The following CHRM2 variants were observed in gnomAD, a reference collection of about 807,000 sequenced individuals.
CHRM2 encodes the protein muscarinic acetylcholine receptor M2.
Under a neutral mutation model 25.0 loss-of-function variants are expected in CHRM2, and 8 were observed. The observed-to-expected ratio is 0.32, with a 90% CI of 0.19 to 0.58. The LOEUF (loss-of-function observed/expected upper bound fraction) is 0.58. CHRM2 is among the 20% of genes least tolerant of loss of function. The probability of loss-of-function intolerance (pLI) is 0.88; values close to 1 mark genes in which losing one functional copy is unlikely to be tolerated. For missense variants in CHRM2, 440 were observed against 567.1 expected, an observed-to-expected ratio of 0.78 and a Z score of 2.28; for synonymous variants, 202 against 205.7, an observed-to-expected ratio of 0.98 and a Z score of 0.15.
At chr7:136,888,300 T>G (rs905039487) in intron 2 of CHRM2, among the ~76,000 whole-genome samples, 3 of 152,188 alleles carry the variant, frequency 2.0e-5, no homozygotes, top group Non-Finnish European at 4.4e-5. Context: ...CCCTGTGATG[T>G]CTGCTAAACG....
chr7:136,946,560 G>A (rs570298514), intron 2 of CHRM2, among the ~76,000 whole-genome samples: 3 of 152,220 alleles, frequency 2.0e-5, no homozygotes, highest in Admixed American at 2.0e-4. Flanking sequence ...AGTCCAGTGG[G>A]AAAAACTCAT....
At chr7:136,925,941 A>G (rs1057209186) in intron 2 of CHRM2, among the ~76,000 whole-genome samples, 1 of 152,182 alleles carries the variant, frequency 6.6e-6, no homozygotes, top group African/African-American at 2.4e-5. Flanking sequence ...CCTAACCCCT[A>G]CTTATAGTCT....
At position 136,907,681 on chromosome 7, in the gene CHRM2, A is replaced by G. The variant is rs552868439; in HGVS notation, c.-125+38263A>G. On this transcript the variant is annotated intron_variant, in intron 2 of 3. Coordinates refer to ENST00000680005, the MANE Select transcript of CHRM2 (RefSeq NM_001006630.2). ...CACTGTCTCAGCCAAACATACTTAC[A>G]AAATAGGCATTACCAGGTCAAAGAA... Among the ~76,000 whole-genome samples, 33 of 152,072 alleles carry G rather than the reference A, an allele frequency of 2.2e-4. No individual in the cohort carries two copies. The South Asian group carries it at 4.6e-3, about 21-fold the overall frequency.
intron 2 of CHRM2, among the ~76,000 whole-genome samples, chr7:136,877,086 G>A (rs1267657110): frequency 6.6e-6 from 1 of 151,944 alleles, no homozygotes; most frequent in African/African-American, 2.4e-5. Flanking sequence ...TTGATGAACT[G>A]GAACATAGAA....
rs539337208 is a variant in CHRM2 at position 136,908,242 on chromosome 7, G to A, written c.-125+38824G>A. On this transcript the variant is annotated intron_variant, in intron 2 of 3. Coordinates refer to ENST00000680005, the MANE Select transcript of CHRM2 (RefSeq NM_001006630.2). ...TGTACGTCCAGCAGAACAGTTTTAC[G>A]TCATCCTTCTTAAGTAAAATGAGTC... Among the ~76,000 whole-genome samples the A allele has an allele frequency of 5.9e-5, 9 of 151,888 alleles. No individual in the cohort carries two copies. In the East Asian group the frequency reaches 1.4e-3, roughly 23 times the overall value.
chr7:136,880,774 A>T (rs1796235903), intron 2 of CHRM2, among the ~76,000 whole-genome samples: 2 of 151,786 alleles, frequency 1.3e-5, no homozygotes, highest in Admixed American at 6.6e-5. Flanking sequence ...GTTTCAATTG[A>T]TGAACTACAT....
intron 2 of CHRM2, among the ~76,000 whole-genome samples, chr7:136,934,243 T>C (rs1799282231): frequency 6.6e-6 from 1 of 152,160 alleles, no homozygotes; most frequent in Non-Finnish European, 1.5e-5. Context: ...TTTGAGTCCT[T>C]TTAGATTCTT....
At chr7:136,884,706 C>A (rs551045326) in intron 2 of CHRM2, among the ~76,000 whole-genome samples, 2 of 152,164 alleles carry the variant, frequency 1.3e-5, no homozygotes, top group East Asian at 3.9e-4. Context: ...AAGGCACTTG[C>A]AAAGCTATTT....
chr7:136,915,043 G>T (rs1418967996), intron 2 of CHRM2, among the ~76,000 whole-genome samples: 1 of 151,842 alleles, frequency 6.6e-6, no homozygotes, highest in African/African-American at 2.4e-5. Flanking sequence ...ATGACATGTA[G>T]GAGTTTTAGA....
chr7:137,018,454 C>T lies in CHRM2; in HGVS notation c.*2188C>T, dbSNP rs896927221. ...TCTTCAAATGAAGGAATCAGTTGAA[C>T]GGAAATAACGTCAAGCCAGTGGGCT... On this transcript the variant is annotated 3_prime_UTR_variant, in exon 4 of 4. Coordinates refer to ENST00000680005, the MANE Select transcript of CHRM2 (RefSeq NM_001006630.2). The T allele has an allele frequency of 2.6e-5, 4 of 151,810 alleles. No homozygotes were observed. Among genetic ancestry groups the T allele is most frequent in the African/African-American group, 4.8e-5 (2 of 41,390 alleles). 9.4% of individuals were successfully genotyped at this position (151,810 alleles called of 1,614,324 possible).
At chr7:136,936,823 A>G (rs1462840263) in intron 2 of CHRM2, among the ~76,000 whole-genome samples, 1 of 152,114 alleles carries the variant, frequency 6.6e-6, no homozygotes, top group Non-Finnish European at 1.5e-5. Flanking sequence ...CTTCTATATT[A>G]CCCTTCTATG....
chr7:136,975,530 G>A (rs2130949005), intron 2 of CHRM2, among the ~76,000 whole-genome samples: 1 of 152,172 alleles, frequency 6.6e-6, no homozygotes, highest in African/African-American at 2.4e-5. Context: ...TTTTTAGGTT[G>A]GAAATACTAA....
At chr7:136,983,959 T>C (rs1246599556) in intron 2 of CHRM2, among the ~76,000 whole-genome samples, 2 of 152,170 alleles carry the variant, frequency 1.3e-5, no homozygotes, top group African/African-American at 4.8e-5. Context: ...TGGCAGAGCT[T>C]GGGCACTGTG....
At chr7:136,921,515 G>C (rs1584759519) in intron 2 of CHRM2, among the ~76,000 whole-genome samples, 2 of 152,040 alleles carry the variant, frequency 1.3e-5, no homozygotes, top group African/African-American at 2.4e-5. Context: ...TCGTGCATGA[G>C]GACTTTCAGC....
intron 2 of CHRM2, among the ~76,000 whole-genome samples, chr7:136,972,764 G>A (rs1327196665): frequency 2.7e-5 from 4 of 147,804 alleles, no homozygotes; most frequent in Non-Finnish European, 6.0e-5. Flanking sequence ...GGCAGGTGAC[G>A]ATGGTGACGG....
At chr7:136,994,312 G>C (rs1039756666) in intron 3 of CHRM2, among the ~76,000 whole-genome samples, 2 of 152,094 alleles carry the variant, frequency 1.3e-5, no homozygotes, top group Non-Finnish European at 2.9e-5. Flanking sequence ...GTCATCATTA[G>C]TGGTCATTCC....
At chr7:137,011,567 T>C (rs1291999130) in intron 3 of CHRM2, among the ~76,000 whole-genome samples, 2 of 151,988 alleles carry the variant, frequency 1.3e-5, no homozygotes, top group African/African-American at 4.8e-5. Flanking sequence ...ACTCCAACAC[T>C]GAGGGCAAAA....
intron 2 of CHRM2, among the ~76,000 whole-genome samples, chr7:136,887,336 C>T (rs1266016470): frequency 6.7e-6 from 1 of 150,174 alleles, no homozygotes; most frequent in Non-Finnish European, 1.5e-5. Context: ...TCGCTTTTCA[C>T]AAAAAAAAAA....
chr7:136,887,240 A>G, intron 2 of CHRM2, among the ~76,000 whole-genome samples: 1 of 152,318 alleles, frequency 6.6e-6, no homozygotes, highest in East Asian at 1.9e-4. Context: ...GTATATCTTA[A>G]ATATACACAA....
Sources: allele counts gnomAD v4.1 joint callset (sites outside exome capture counted in the v4.1 genomes callset), GRCh38; gene constraint gnomAD v4.1.1; transcripts MANE v1.5; gene names NCBI Gene and HGNC (gene_info 2026-07-23, HGNC 2026-07-21).